BAG6: variants seen among roughly 807,000 people sequenced by gnomAD.
The protein encoded by BAG6 is BAG cochaperone 6, also known as large proline-rich protein BAG6.
BAG6 carries 22 observed loss-of-function variants against 121.0 expected under a neutral mutation model. The ratio of observed to expected loss-of-function variants is 0.18; its 90% CI spans 0.13 to 0.26. The LOEUF (loss-of-function observed/expected upper bound fraction) is 0.26. BAG6 is among the 10% of genes least tolerant of loss of function. BAG6 has a pLI of 1.00. For missense variants in BAG6, 1,233 were observed against 1,537.7 expected, an observed-to-expected ratio of 0.80 and a Z score of 3.31; for synonymous variants, 583 against 584.6, an observed-to-expected ratio of 1.00 and a Z score of 0.04.
In BAG6 at chr6:31,645,067, G is replaced by A. The variant is rs779108995; in HGVS notation, c.1248C>T (p.Ser416=). 29 of 1,612,846 alleles carry A rather than the reference G, an allele frequency of 1.8e-5. No homozygotes were observed. In the Admixed American group the frequency reaches 2.2e-4, roughly 12 times the overall value. Residue 416 remains serine, a synonymous_variant, in exon 10 of 26, where the codon TCC becomes TCT. Coordinates refer to ENST00000676615, the MANE Select transcript of BAG6 (RefSeq NM_001387994.1). ...SVAPSSTNVE[S]SAEGAPPPGP... Reference sequence around the variant, plus strand: ...CTGGCGGGGGAGCCCCCTCAGCTGAGGACTCGACATTGGTAGAAGACGGAG... The same window carrying A: ...CTGGCGGGGGAGCCCCCTCAGCTGAAGACTCGACATTGGTAGAAGACGGAG...
chr6:31,648,017 T>C (rs1791808130), intron 6 of BAG6, 191 bp from the exon 7 acceptor site: 1 of 149,088 alleles, frequency 6.7e-6, no homozygotes, highest in Non-Finnish European at 1.0e-5. Flanking sequence ...GCATCTGTAA[T>C]TTTTTTTTTT....
chr6:31,645,394 C>A lies in BAG6; in HGVS notation c.1116+13G>T, dbSNP rs979621730. 2.5e-6 allele frequency: 4 copies of A among 1,612,980 alleles called. No homozygotes were observed. In the African/African-American group the frequency reaches 4.0e-5, roughly 16 times the overall value. On this transcript the variant is annotated intron_variant, in intron 9 of 25. Coordinates refer to ENST00000676615, the MANE Select transcript of BAG6 (RefSeq NM_001387994.1). The stretch of plus-strand genomic sequence containing the variant: ...CCCTCACTCTCCCTCAGGCCAGACT[C>A]CCCCTAACCCACCTGTATGGGAATG...
chr6:31,642,372 G>A lies in BAG6; in HGVS notation c.2075C>T (p.Pro692Leu). 1 of 1,061,890 alleles carries A rather than the reference G, an allele frequency of 9.4e-7. No homozygotes were observed. The highest frequency in any genetic ancestry group is 1.4e-6 in the Non-Finnish European group (1 of 730,750). The allele number at this position is 1,061,890 out of a possible 1,614,324, so 65.8% of individuals were successfully genotyped here. A position where few individuals can be genotyped will look rare whatever the true frequency, so the allele number is the denominator to read the frequency against. The change falls in exon 16 of 26, where the codon CCT becomes CTT. Residue 692 changes from proline (P) to leucine (L), a missense_variant. By Grantham distance (98) the Pro-to-Leu change is moderately conservative (BLOSUM62 -3). This residue lies in a region of BAG6 where 777 missense variants were observed against 861.4 expected (regional missense o/e 0.90). Coordinates refer to ENST00000676615, the MANE Select transcript of BAG6 (RefSeq NM_001387994.1). ...ATQTAPPPPP[P>L]PPPPPPAPEQ... ...TGGGGCAGGTGGTGGGGGTGGAGGAGGTGGGGGTGGTGGAGGGGCTGTCTG... is the reference window on the plus strand; with the variant it reads ...TGGGGCAGGTGGTGGGGGTGGAGGAAGTGGGGGTGGTGGAGGGGCTGTCTG...
intron 3 of BAG6, 33 bp from the exon 4 acceptor site, chr6:31,649,428 T>C (rs1260492797): frequency 2.5e-6 from 4 of 1,607,404 alleles, no homozygotes; most frequent in Non-Finnish European, 3.4e-6. Flanking sequence ...CAAAACATAG[T>C]ATGAACAGGT....
intron 4 of BAG6, 26 bp from the exon 5 acceptor site, chr6:31,648,990 T>A: frequency 6.6e-7 from 1 of 1,521,746 alleles, no homozygotes; most frequent in Non-Finnish European, 8.8e-7. Flanking sequence ...GGGAAGTTGT[T>A]CTGGGAGAAG....
chr6:31,645,018 T>C lies in BAG6; in HGVS notation c.1297A>G (p.Ser433Gly), dbSNP rs1583365662. ...PPGPAPPPAT[S>G]HPRVIRISHQ... ...GAAATCCGGATGACCCTCGGGTGGC[T>C]GGTGGCTGGCGGGGGAGCTGGACCT... The change falls in exon 10 of 26, where the codon AGC (serine) becomes GGC (glycine). Residue 433 changes from serine to glycine, a missense_variant. Transcript: ENST00000676615. The C allele has an allele frequency of 1.9e-6, 3 of 1,611,914 alleles. No homozygotes were observed. Among genetic ancestry groups the C allele is most frequent in the Admixed American group, 1.7e-5 (1 of 59,850 alleles).
At chr6:31,647,871 G>A in intron 6 of BAG6, 45 bp from the exon 7 acceptor site, 1 of 1,503,048 alleles carries the variant, frequency 6.7e-7, no homozygotes, top group African/African-American at 1.4e-5. Flanking sequence ...GGGTAAGACT[G>A]CTGCAGAGGA....
rs931615698 is a variant in BAG6, at chr6:31,652,528, C to G, written c.-118G>C. ...CAAGCTTTACTTTTGTGGGGCACGA[C>G]GAGAAAGTCCGCAGCCCCAAACAGT... On this transcript the variant is annotated 5_prime_UTR_variant, in exon 1 of 26. Coordinates refer to ENST00000676615, the MANE Select transcript of BAG6 (RefSeq NM_001387994.1). The G allele has an allele frequency of 1.3e-5, 2 of 152,222 alleles. No homozygotes were observed. Among genetic ancestry groups the G allele is most frequent in the African/African-American group, 4.8e-5 (2 of 41,438 alleles). The allele number at this position is 152,222 out of a possible 1,614,324, so 9.4% of individuals were successfully genotyped here.
Position 31,648,698 on chromosome 6 carries a change from C to A in BAG6, c.531G>T (p.Gln177His). The A allele has an allele frequency of 1.2e-6, 2 of 1,613,958 alleles. No individual in the cohort carries two copies. The highest frequency in any genetic ancestry group is 2.2e-5 in the South Asian group (2 of 91,058). Residue 177 changes from glutamine to histidine, a missense_variant, in exon 6 of 26, where the codon CAG becomes CAT. By Grantham distance (24) the Gln-to-His change is conservative. Coordinates refer to ENST00000676615, the MANE Select transcript of BAG6 (RefSeq NM_001387994.1). ...VMAQHMIRDI[Q>H]TLLSRMECRG... is the part of the protein sequence containing the mutation. ...TTACCTCCATCCGGGATAGTAAGGTCTGTATATCCCTGATCATGTGCTGAG... is the reference window on the plus strand; with the variant it reads ...TTACCTCCATCCGGGATAGTAAGGTATGTATATCCCTGATCATGTGCTGAG...
chr6:31,643,041 C>T lies in BAG6; in HGVS notation c.1831G>A (p.Ala611Thr). 2 of 1,588,848 alleles carry T rather than the reference C, an allele frequency of 1.3e-6. No homozygotes were observed. The highest frequency in any genetic ancestry group is 8.6e-7 in the Non-Finnish European group (1 of 1,169,484). ...ASASAGTTNT[A>T]TTAGPAPGGP... The stretch of plus-strand genomic sequence containing the variant: ...CCAGGAGCGGGGCCAGCTGTGGTAG[C>T]TGTGTTGGTGGTGCCAGCACTGGCA... The change falls in exon 15 of 26, where the codon GCT becomes ACT. Residue 611 changes from alanine to threonine, a missense_variant. Transcript: ENST00000676615.
Position 31,647,606 on chromosome 6 carries a change from T to G in BAG6, c.773A>C (p.Glu258Ala), listed in dbSNP as rs1791227408. ...CATCTCTCACTTGGGTGCATTTGTT[T>G]CCGGGGCAGGTGTTGGGCCCGCTGG... ...PAPAGPTPAP[E>A]TNAPNHPSPA... Residue 258 changes from glutamate (E) to alanine (A), a missense_variant, in exon 7 of 26, where the codon GAA (glutamate) becomes GCA (alanine). Glu to Ala is a moderately radical substitution (Grantham distance 107). Coordinates refer to ENST00000676615, the MANE Select transcript of BAG6 (RefSeq NM_001387994.1). 1 of 1,609,940 alleles carries G rather than the reference T, an allele frequency of 6.2e-7. No individual in the cohort carries two copies. The highest frequency in any genetic ancestry group is 1.3e-5 in the African/African-American group (1 of 74,872).
Position 31,643,091 on chromosome 6 carries a change from G to A in BAG6, c.1781C>T (p.Pro594Leu), listed in dbSNP as rs1262966961. 3.2e-6 allele frequency: 5 copies of A among 1,580,628 alleles called. No individual in the cohort carries two copies. Among genetic ancestry groups the A allele is most frequent in the Admixed American group, 3.7e-5 (2 of 54,294 alleles). ...LVAQGTPGMA[P>L]PPAPATASAS... ...AGAAGCAGTGGCAGGGGCTGGCGGT[G>A]GAGCCATACCTGGGGTCCCCTGAGC... is the stretch of plus-strand genomic sequence containing the variant. The change falls in exon 15 of 26, where the codon CCA (proline) becomes CTA (leucine). Residue 594 changes from proline (P) to leucine (L), a missense_variant. Physicochemically the swap from Pro to Leu is moderately conservative, Grantham distance 98 (BLOSUM62 -3). Around this residue, in one of 7 missense-constraint regions of BAG6, gnomAD observed 777 missense variants for 861.4 expected, o/e 0.90. Transcript: ENST00000676615.
At chr6:31,643,793 A>G in intron 14 of BAG6, 97 bp downstream of exon 14, 1 of 1,200,474 alleles carries the variant, frequency 8.3e-7, no homozygotes, top group Non-Finnish European at 1.2e-6. Context: ...CATTCCAGGA[A>G]AGCAGGAACC....
Position 31,640,543 on chromosome 6 carries a change from G to C in BAG6, c.2995-15C>G. 6.2e-7 allele frequency: 1 copy of C among 1,612,788 alleles called. No homozygotes were observed. Among genetic ancestry groups the C allele is most frequent in the East Asian group, 2.2e-5 (1 of 44,872 alleles). On this transcript the variant is annotated splice_polypyrimidine_tract_variant and intron_variant, in intron 22 of 25. Coordinates refer to ENST00000676615, the MANE Select transcript of BAG6 (RefSeq NM_001387994.1). This position sits in a 1 kb window ranked among gnomAD's most constrained non-coding sequence, Gnocchi z 4.2. ...GCATTCTCCCGCTGGGTGTCAGATG[G>C]CGGGAAGAGCCAGGCTTCAGAATTT...
Position 31,640,541 on chromosome 6 carries a change from T to C in BAG6, c.2995-13A>G. 1 of 1,612,870 alleles carries C rather than the reference T, an allele frequency of 6.2e-7. No homozygotes were observed. The highest frequency in any genetic ancestry group is 1.1e-5 in the South Asian group (1 of 91,082). ...AAGCATTCTCCCGCTGGGTGTCAGA[T>C]GGCGGGAAGAGCCAGGCTTCAGAAT... On this transcript the variant is annotated splice_polypyrimidine_tract_variant and intron_variant, in intron 22 of 25. Coordinates refer to ENST00000676615, the MANE Select transcript of BAG6 (RefSeq NM_001387994.1). The surrounding 1 kb of genome is among the most constrained non-coding windows in gnomAD (Gnocchi z 4.2).
intron 14 of BAG6, among the ~76,000 whole-genome samples, 167 bp downstream of exon 14, chr6:31,643,721 CAA>C (rs9281540): frequency 3.9e-4 from 26 of 66,288 alleles, no homozygotes; most frequent in Admixed American, 1.8e-3. Context: ...GACTCCATCT[CAA>C]AAAAAAAAAA....
Position 31,640,229 on chromosome 6 carries a change from G to A in BAG6, c.3216C>T (p.Tyr1072=). ...VKPQPPLSDA[Y]LSGMPAKRRK... is the part of the protein sequence containing the mutation. ...GTCTCTTGGCAGGCATACCACTGAGGTAGGCATCACTCAGAGGGGGCTGCG... is the reference window on the plus strand; with the variant it reads ...GTCTCTTGGCAGGCATACCACTGAGATAGGCATCACTCAGAGGGGGCTGCG... Residue 1072 remains tyrosine (Y), a synonymous_variant, in exon 24 of 26, where the codon TAC becomes TAT. Transcript: ENST00000676615. The surrounding 1 kb of genome is among the most constrained non-coding windows in gnomAD (Gnocchi z 4.2). 1 of 1,614,216 alleles carries A rather than the reference G, an allele frequency of 6.2e-7. No homozygotes were observed.
In BAG6 at chr6:31,647,797, A is replaced by G. The variant is rs753869687; in HGVS notation, c.582T>C (p.Ser194=). Residue 194 remains serine (S), a synonymous_variant, in exon 7 of 26, where the codon AGT becomes AGC. Transcript: ENST00000676615. ...ECRGGPQPQH[S]QPPPQPPAVT... Reference sequence around the variant, plus strand: ...CAGCCGGTGGCTGCGGGGGCGGCTGACTGTGCTGCGGTTGGGGCCCTCCTC... The same window carrying G: ...CAGCCGGTGGCTGCGGGGGCGGCTGGCTGTGCTGCGGTTGGGGCCCTCCTC... 6.3e-7 allele frequency: 1 copy of G among 1,574,960 alleles called. No individual in the cohort carries two copies. Among genetic ancestry groups the G allele is most frequent in the South Asian group, 1.2e-5 (1 of 84,968 alleles).
intron 25 of BAG6, 95 bp from the exon 26 acceptor site, chr6:31,639,321 C>CG (rs1468400163): frequency 6.9e-7 from 1 of 1,452,836 alleles, no homozygotes; most frequent in South Asian, 1.2e-5. Flanking sequence ...CTAACATTTC[C>CG]CCCCCCAAGC....
Sources: allele counts gnomAD v4.1 joint callset (sites outside exome capture counted in the v4.1 genomes callset), GRCh38; gene constraint gnomAD v4.1.1; regional missense constraint gnomAD v4.1.1; non-coding constraint Gnocchi (gnomAD v3.1); transcripts MANE v1.5; gene names NCBI Gene and HGNC (gene_info 2026-07-23, HGNC 2026-07-21).